Variants in CNTN4 observed in about 807,000 individuals in gnomAD.
CNTN4 encodes the protein contactin 4.
Under a neutral mutation model 122.5 loss-of-function variants are expected in CNTN4, and 77 were observed. The ratio of observed to expected loss-of-function variants is 0.63; its 90% CI spans 0.52 to 0.76. The LOEUF (loss-of-function observed/expected upper bound fraction) is 0.76. CNTN4 is among the 30% of genes least tolerant of loss of function. CNTN4 has a pLI of 0.00. For synonymous variants in CNTN4, 512 were observed against 447.0 expected (o/e 1.15, Z -1.83); for missense variants, 1,256 against 1,259.1 (o/e 1.00, Z 0.04).
intron 2 of CNTN4, among the ~76,000 whole-genome samples, chr3:2,141,622 A>G (rs1180771897): frequency 1.3e-5 from 2 of 152,184 alleles, no homozygotes; most frequent in Non-Finnish European, 2.9e-5. Context: ...ATACAGCTAT[A>G]AAGTGGAAGA....
chr3:2,276,758 A>G (rs749039031), intron 2 of CNTN4, among the ~76,000 whole-genome samples: 3 of 152,148 alleles, frequency 2.0e-5, no homozygotes, highest in Non-Finnish European at 1.5e-5. Flanking sequence ...TCTACTAAAA[A>G]TACAAAAATT....
At chr3:2,840,602 G>A (rs1301330242) in intron 7 of CNTN4, among the ~76,000 whole-genome samples, 1 of 100,202 alleles carries the variant, frequency 1.0e-5, no homozygotes. Flanking sequence ...GGGAGGCTGA[G>A]GCGGGAGAAT....
At chr3:2,866,995 G>T in intron 8 of CNTN4, 46 bp downstream of exon 8, 1 of 1,509,610 alleles carries the variant, frequency 6.6e-7, no homozygotes, top group Non-Finnish European at 9.2e-7. Context: ...GCAATCACAG[G>T]ATGAATGTGG....
At chr3:2,583,159 G>A (rs1275337349) in intron 4 of CNTN4, among the ~76,000 whole-genome samples, 1 of 152,170 alleles carries the variant, frequency 6.6e-6, no homozygotes, top group Non-Finnish European at 1.5e-5. Flanking sequence ...AAACAACTCA[G>A]GATAAACTTG....
At chr3:2,670,549 T>G (rs1309287460) in intron 4 of CNTN4, among the ~76,000 whole-genome samples, 1 of 146,136 alleles carries the variant, frequency 6.8e-6, no homozygotes, top group African/African-American at 2.4e-5. Context: ...CTTTATCCAA[T>G]TTGCCAGTCT....
At chr3:2,225,879 C>G (rs1380550086) in intron 2 of CNTN4, among the ~76,000 whole-genome samples, 1 of 152,108 alleles carries the variant, frequency 6.6e-6, no homozygotes, top group Non-Finnish European at 1.5e-5. Flanking sequence ...TAGAGTGACC[C>G]TGCTGTAGTT....
At chr3:2,331,896 G>C (rs772285307) in intron 2 of CNTN4, among the ~76,000 whole-genome samples, 5 of 152,196 alleles carry the variant, frequency 3.3e-5, no homozygotes, top group Non-Finnish European at 5.9e-5. Context: ...CCGCTGGGCT[G>C]CGGAGTTATC....
At chr3:2,693,744 A>C (rs1239787781) in intron 4 of CNTN4, among the ~76,000 whole-genome samples, 2 of 152,184 alleles carry the variant, frequency 1.3e-5, no homozygotes, top group African/African-American at 4.8e-5. Context: ...AGAATTTATG[A>C]ATCAGAGCAC....
In CNTN4 at chr3:2,275,350, G is replaced by A. The variant is rs548441088; in HGVS notation, c.-144-63828G>A. Among the ~76,000 whole-genome samples, 4 of 152,186 alleles carry A rather than the reference G, an allele frequency of 2.6e-5. No individual in the cohort carries two copies. The South Asian group carries it at 6.2e-4, about 24-fold the overall frequency. On this transcript the variant is annotated intron_variant, in intron 2 of 24. Coordinates refer to ENST00000418658, the MANE Select transcript of CNTN4 (RefSeq NM_175607.3). ...AGAATACGTGATTTATGTGCTAATT[G>A]GATCATGTCCATTAGACATCCTCAT...
At chr3:2,840,809 A>C (rs1319745734) in intron 7 of CNTN4, among the ~76,000 whole-genome samples, 1 of 152,148 alleles carries the variant, frequency 6.6e-6, no homozygotes, top group Non-Finnish European at 1.5e-5. Flanking sequence ...ATACTGGACC[A>C]GAGAACAGAA....
At chr3:2,837,858 A>G (rs1353739171) in intron 7 of CNTN4, among the ~76,000 whole-genome samples, 3 of 152,210 alleles carry the variant, frequency 2.0e-5, no homozygotes. Context: ...AGCAGATACC[A>G]TACCAAATTT....
At position 2,340,711 on chromosome 3, in the gene CNTN4, A is replaced by AGAGAGAGAGAGAGAGAGAGAGAGGGG. The variant is rs1559468285; in HGVS notation, c.-89+1501_-89+1502insGGGGAGAGAGAGAGAGAGAGAGAGAG. On this transcript the variant is annotated intron_variant, in intron 3 of 24. Coordinates refer to ENST00000418658, the MANE Select transcript of CNTN4 (RefSeq NM_175607.3). ...TATATATATATATATATATATATAT[A>AGAGAGAGAGAGAGAGAGAGAGAGGGG]GAGAGAGAGAGAGAGAGAGAGAGAG... 8.1e-5 allele frequency among the ~76,000 whole-genome samples: 4 copies of AGAGAGAGAGAGAGAGAGAGAGAGGGG among 49,462 alleles called. No individual in the cohort carries two copies. In the South Asian group the frequency reaches 1.7e-3, roughly 21 times the overall value. The allele number at this position is 49,462 out of a possible 152,430, so 32.4% of individuals were successfully genotyped here.
intron 14 of CNTN4, among the ~76,000 whole-genome samples, chr3:3,016,742 C>T (rs994705717): frequency 7.2e-5 from 11 of 152,092 alleles, no homozygotes; most frequent in South Asian, 2.1e-4. Context: ...TTCCCAAGTA[C>T]CTATACTTGG....
At chr3:3,052,533 A>G (rs1701370051) in intron 23 of CNTN4, among the ~76,000 whole-genome samples, 1 of 152,144 alleles carries the variant, frequency 6.6e-6, no homozygotes, top group Non-Finnish European at 1.5e-5. Flanking sequence ...TTGTCAGGGG[A>G]AACTACAGAG....
At chr3:2,685,998 A>G (rs190984975) in intron 4 of CNTN4, among the ~76,000 whole-genome samples, 63 of 152,316 alleles carry the variant, frequency 4.1e-4, no homozygotes, top group African/African-American at 1.3e-3. Context: ...TTGTATTTCA[A>G]TCCCAGAGTG....
chr3:2,640,199 G>A (rs912272078), intron 4 of CNTN4, among the ~76,000 whole-genome samples: 6 of 152,098 alleles, frequency 3.9e-5, no homozygotes, highest in African/African-American at 9.7e-5. Context: ...ATTACATTGT[G>A]GTAAAGTATG....
intron 3 of CNTN4, among the ~76,000 whole-genome samples, chr3:2,557,200 C>G (rs1322463783): frequency 6.6e-6 from 1 of 152,118 alleles, no homozygotes. Context: ...CTCCTACCAA[C>G]AATAGGCCTA....
chr3:2,135,413 T>C (rs1301950396), intron 2 of CNTN4, among the ~76,000 whole-genome samples: 1 of 152,248 alleles, frequency 6.6e-6, no homozygotes, highest in Non-Finnish European at 1.5e-5. Flanking sequence ...AGTAAATCTC[T>C]ATTCTGTAAG....
chr3:2,189,572 G>A (rs2037430109), intron 2 of CNTN4, among the ~76,000 whole-genome samples: 1 of 152,128 alleles, frequency 6.6e-6, no homozygotes, highest in Non-Finnish European at 1.5e-5. Context: ...CCCTGAGAGA[G>A]GAGTCAGCCA....
Sources: allele counts gnomAD v4.1 joint callset (sites outside exome capture counted in the v4.1 genomes callset), GRCh38; gene constraint gnomAD v4.1.1; transcripts MANE v1.5; gene names NCBI Gene and HGNC (gene_info 2026-07-23, HGNC 2026-07-21).